CYSTM1: variants seen among roughly 807,000 people sequenced by gnomAD.
The protein encoded by CYSTM1 is cysteine rich transmembrane module containing 1.
CYSTM1 carries 4 observed loss-of-function variants against 13.1 expected under a neutral mutation model. The ratio of observed to expected loss-of-function variants is 0.31; its 90% CI spans 0.15 to 0.70. The LOEUF (loss-of-function observed/expected upper bound fraction) is 0.70. Among genes scored for constraint, CYSTM1 ranks in the 30% least tolerant of loss-of-function variants. The probability of loss-of-function intolerance (pLI) is 0.72; values close to 1 mark genes in which losing one functional copy is unlikely to be tolerated. For synonymous variants in CYSTM1, 36 were observed against 42.7 expected, an observed-to-expected ratio of 0.84 and a Z score of 0.62; for missense variants, 96 against 121.6, an observed-to-expected ratio of 0.79 and a Z score of 0.99.
chr5:140,194,052 CTTTCT>C (rs1386653939), intron 1 of CYSTM1, among the ~76,000 whole-genome samples: 1 of 152,324 alleles, frequency 6.6e-6, no homozygotes, highest in Admixed American at 6.5e-5. Flanking sequence ...TGTTAGAACA[CTTTCT>C]TAAAGCTATC....
intron 1 of CYSTM1, among the ~76,000 whole-genome samples, chr5:140,186,870 A>G (rs1300451989): frequency 1.3e-5 from 2 of 152,250 alleles, no homozygotes; most frequent in Admixed American, 6.5e-5. Flanking sequence ...GTTACACTGT[A>G]ATCCCAGCAC....
At chr5:140,194,112 T>A (rs542299262) in intron 1 of CYSTM1, among the ~76,000 whole-genome samples, 1 of 152,172 alleles carries the variant, frequency 6.6e-6, no homozygotes, top group Non-Finnish European at 1.5e-5. Context: ...AAACAAAATA[T>A]CTTGCTATTC....
intron 1 of CYSTM1, among the ~76,000 whole-genome samples, chr5:140,177,693 T>C (rs1763907705): frequency 6.6e-6 from 1 of 152,092 alleles, no homozygotes; most frequent in South Asian, 2.1e-4. Context: ...AAGGCCAGAG[T>C]AGTTTTTTCC....
intron 2 of CYSTM1, chr5:140,228,831 A>C (rs1204164857): frequency 2.5e-6 from 1 of 398,994 alleles, no homozygotes; most frequent in African/African-American, 2.1e-5. Flanking sequence ...GGACAACTTG[A>C]ACTGAGCAGC....
intron 2 of CYSTM1, among the ~76,000 whole-genome samples, chr5:140,224,348 A>G (rs1379401660): frequency 6.6e-6 from 1 of 151,976 alleles, no homozygotes; most frequent in East Asian, 1.9e-4. Context: ...CATGTTGGTC[A>G]GGCTGGTCTC....
At chr5:140,195,674 G>A (rs1371704477) in intron 2 of CYSTM1, among the ~76,000 whole-genome samples, 11 of 150,356 alleles carry the variant, frequency 7.3e-5, no homozygotes, top group Admixed American at 3.9e-4. Flanking sequence ...CTCGTGATCC[G>A]CCCCCCTTGG....
intron 1 of CYSTM1, among the ~76,000 whole-genome samples, chr5:140,186,590 C>T (rs771266957): frequency 2.6e-5 from 4 of 152,222 alleles, no homozygotes; most frequent in Non-Finnish European, 5.9e-5. Flanking sequence ...TCTGCTTCCT[C>T]TATCTTCGCT....
intron 1 of CYSTM1, among the ~76,000 whole-genome samples, chr5:140,177,078 A>AAAAAAAACAAAAC (rs1763899780): frequency 1.5e-5 from 2 of 135,544 alleles, no homozygotes; most frequent in Non-Finnish European, 3.2e-5. Context: ...CAAAAAAAAA[A>AAAAAAAACAAAAC]AAAAAAAAAT....
chr5:140,202,626 A>G (rs112616524), intron 2 of CYSTM1: 17 of 152,352 alleles, frequency 1.1e-4, no homozygotes, highest in African/African-American at 3.4e-4. Flanking sequence ...CTACCGTCCA[A>G]TATGATCCAT....
At chr5:140,221,553 T>C (rs1425989192) in intron 2 of CYSTM1, among the ~76,000 whole-genome samples, 1 of 152,250 alleles carries the variant, frequency 6.6e-6, no homozygotes, top group African/African-American at 2.4e-5. Flanking sequence ...CAGGATTTCC[T>C]TCCTTTTTTA....
intron 2 of CYSTM1, among the ~76,000 whole-genome samples, chr5:140,236,885 A>G (rs958649305): frequency 6.6e-6 from 1 of 152,212 alleles, no homozygotes; most frequent in African/African-American, 2.4e-5. Context: ...AAATGGGGTG[A>G]TAACCTTCTT....
intron 2 of CYSTM1, among the ~76,000 whole-genome samples, chr5:140,231,338 C>T (rs1764614992): frequency 6.6e-6 from 1 of 152,196 alleles, no homozygotes; most frequent in African/African-American, 2.4e-5. Context: ...CACACCATTC[C>T]CTTGGGGGCA....
chr5:140,210,045 T>C (rs1421805903), intron 2 of CYSTM1, among the ~76,000 whole-genome samples: 2 of 152,228 alleles, frequency 1.3e-5, no homozygotes, highest in African/African-American at 4.8e-5. Context: ...TTCACTCTTT[T>C]TCTGGTCCTT....
At chr5:140,178,491 C>T in intron 1 of CYSTM1, among the ~76,000 whole-genome samples, 1 of 130,798 alleles carries the variant, frequency 7.6e-6, no homozygotes, top group African/African-American at 3.0e-5. Flanking sequence ...GCTATGTTGC[C>T]CAGGTTGGTC....
chr5:140,235,018 G>T (rs1764663310), intron 2 of CYSTM1, among the ~76,000 whole-genome samples: 2 of 149,048 alleles, frequency 1.3e-5, no homozygotes, highest in Admixed American at 1.3e-4. Flanking sequence ...CCAGGCAGGA[G>T]TTCAGTGGCG....
intron 2 of CYSTM1, among the ~76,000 whole-genome samples, chr5:140,216,263 G>A (rs1561814611): frequency 6.6e-6 from 1 of 152,334 alleles, no homozygotes; most frequent in South Asian, 2.1e-4. Flanking sequence ...CATTTCAAAT[G>A]TTAGTATCAC....
intron 2 of CYSTM1, among the ~76,000 whole-genome samples, chr5:140,224,432 C>G (rs780506358): frequency 6.6e-6 from 1 of 152,204 alleles, no homozygotes; most frequent in Non-Finnish European, 1.5e-5. Flanking sequence ...AGCCACCATG[C>G]CCAGCTGCCG....
At chr5:140,190,405 A>G (rs1052366253) in intron 1 of CYSTM1, among the ~76,000 whole-genome samples, 21 of 152,116 alleles carry the variant, frequency 1.4e-4, no homozygotes, top group African/African-American at 4.6e-4. Flanking sequence ...TAAATAGTCC[A>G]TTAGAAGTTC....
At chr5:140,183,288 C>T (rs563679744) in intron 1 of CYSTM1, among the ~76,000 whole-genome samples, 9 of 152,266 alleles carry the variant, frequency 5.9e-5, no homozygotes, top group Non-Finnish European at 1.0e-4. Flanking sequence ...ATGCCCTAAC[C>T]GCTCCTTTCA....
Sources: allele counts gnomAD v4.1 joint callset (sites outside exome capture counted in the v4.1 genomes callset), GRCh38; gene constraint gnomAD v4.1.1; transcripts MANE v1.5; gene names NCBI Gene and HGNC (gene_info 2026-07-23, HGNC 2026-07-21).